CRADD: variants seen among roughly 807,000 people sequenced by gnomAD.
The protein encoded by CRADD is CARD and death domain containing adaptor protein.
CRADD carries 9 observed loss-of-function variants against 15.5 expected under a neutral mutation model. The ratio of observed to expected loss-of-function variants is 0.58; its 90% confidence interval spans 0.35 to 1.01. CRADD has a LOEUF of 1.01. CRADD is among the 50% of genes least tolerant of loss of function. The pLI is 0.02. For missense variants in CRADD, 227 were observed against 250.3 expected (o/e 0.91, Z 0.63); for synonymous variants, 118 against 107.6 (o/e 1.10, Z -0.60).
At chr12:93,741,870 G>T (rs1464806181) in intron 2 of CRADD, among the ~76,000 whole-genome samples, 1 of 152,142 alleles carries the variant, frequency 6.6e-6, no homozygotes, top group Non-Finnish European at 1.5e-5. Context: ...GCTGGCCTGT[G>T]CTCTTTCTAG....
chr12:93,804,200 G>C lies in CRADD; in HGVS notation c.299-45770G>C, dbSNP rs150849253. On this transcript the variant is annotated intron_variant, in intron 2 of 2. Coordinates refer to ENST00000332896, the MANE Select transcript of CRADD (RefSeq NM_003805.5). ...ATCTGTAGAGTAGGCACATCTGTAG[G>C]TTCTTAATGCCTGTCATCCTTATCT... Among the ~76,000 whole-genome samples the C allele has an allele frequency of 3.0e-4, 45 of 152,188 alleles. 1 individual carries two copies. In the East Asian group the frequency reaches 7.0e-3, roughly 24 times the overall value.
intron 2 of CRADD, among the ~76,000 whole-genome samples, chr12:93,751,733 G>A (rs948574786): frequency 6.6e-6 from 1 of 152,170 alleles, no homozygotes; most frequent in African/African-American, 2.4e-5. Flanking sequence ...GGGTGGTGGT[G>A]TGTGCCTGTA....
intron 2 of CRADD, among the ~76,000 whole-genome samples, chr12:93,756,367 G>A (rs1956890051): frequency 6.6e-6 from 1 of 152,184 alleles, no homozygotes; most frequent in Non-Finnish European, 1.5e-5. Context: ...CAGTGAATAT[G>A]TCCATTTTTA....
intron 2 of CRADD, among the ~76,000 whole-genome samples, chr12:93,783,019 G>A (rs1957229300): frequency 6.6e-6 from 1 of 152,038 alleles, no homozygotes; most frequent in South Asian, 2.1e-4. Flanking sequence ...AAACAGTCAA[G>A]TGTTCTATTT....
At chr12:93,773,707 G>A (rs1016237202) in intron 2 of CRADD, among the ~76,000 whole-genome samples, 1 of 151,948 alleles carries the variant, frequency 6.6e-6, no homozygotes, top group Non-Finnish European at 1.5e-5. Context: ...GGCAGGAGAC[G>A]GGAGAGAGTG....
chr12:93,698,349 CG>C (rs1181719005), intron 2 of CRADD, among the ~76,000 whole-genome samples: 1 of 152,116 alleles, frequency 6.6e-6, no homozygotes, highest in Non-Finnish European at 1.5e-5. Flanking sequence ...TAGAAGATTA[CG>C]AGTATGTGTG....
intron 2 of CRADD, among the ~76,000 whole-genome samples, chr12:93,768,083 T>C (rs929534392): frequency 2.6e-5 from 4 of 152,232 alleles, no homozygotes; most frequent in African/African-American, 9.6e-5. Context: ...TTCTTAGTAC[T>C]GTTTATGCCA....
Position 93,850,352 on chromosome 12 carries a change from T to G in CRADD, c.*81T>G, listed in dbSNP as rs931421166. On this transcript the variant is annotated 3_prime_UTR_variant, in exon 3 of 3. Coordinates refer to ENST00000332896, the MANE Select transcript of CRADD (RefSeq NM_003805.5). This position sits in a 1 kb window ranked among gnomAD's most constrained non-coding sequence, Gnocchi z 4.0. ...TGACTTTCACTCAGAGCAGGTGGTTTTTTGTGTAGGTTTGTTTTTTATTTT... is the reference window on the plus strand; with the variant it reads ...TGACTTTCACTCAGAGCAGGTGGTTGTTTGTGTAGGTTTGTTTTTTATTTT... 2.2e-5 allele frequency: 33 copies of G among 1,485,628 alleles called. No homozygotes were observed. The highest frequency in any genetic ancestry group is 1.7e-4 in the East Asian group (7 of 40,356). 92.0% of individuals were successfully genotyped at this position (1,485,628 alleles called of 1,614,324 possible).
chr12:93,846,703 T>C (rs953233714), intron 2 of CRADD, among the ~76,000 whole-genome samples: 5 of 151,420 alleles, frequency 3.3e-5, no homozygotes, highest in African/African-American at 1.2e-4. Context: ...ATAACAGCCA[T>C]GGAGGAGAGG....
chr12:93,738,195 T>A (rs1265285079), intron 2 of CRADD: 10 of 607,556 alleles, frequency 1.6e-5, no homozygotes, highest in Non-Finnish European at 2.6e-5. Flanking sequence ...GCTCATTTTT[T>A]GCAGGGTTAG....
chr12:93,756,935 C>T (rs1956897397), intron 2 of CRADD, among the ~76,000 whole-genome samples: 1 of 152,214 alleles, frequency 6.6e-6, no homozygotes, highest in South Asian at 2.1e-4. Context: ...CCGCCACTGA[C>T]AGAAATGATT....
chr12:93,819,064 G>T (rs1306472873), intron 2 of CRADD, among the ~76,000 whole-genome samples: 2 of 152,230 alleles, frequency 1.3e-5, no homozygotes, highest in African/African-American at 2.4e-5. Flanking sequence ...CTTAATTAAG[G>T]TTGTGACAGA....
chr12:93,699,647 T>A (rs17021493), intron 2 of CRADD, among the ~76,000 whole-genome samples: 4,262 of 152,284 alleles, frequency 0.028, 130 homozygotes, highest in East Asian at 0.086. Context: ...AACGTTCTGA[T>A]GAGTAATGCT....
At position 93,815,607 on chromosome 12, in the gene CRADD, G is replaced by A. The variant is rs368073773; in HGVS notation, c.299-34363G>A. On this transcript the variant is annotated intron_variant, in intron 2 of 2. Transcript: ENST00000332896. Reference sequence around the variant, plus strand: ...ATTAGTAGAGTACTATAAAATGTTTGTTATAAAAAGTGTGTTTTATTTGAT... The same window carrying A: ...ATTAGTAGAGTACTATAAAATGTTTATTATAAAAAGTGTGTTTTATTTGAT... The A allele has an allele frequency of 5.3e-5, 8 of 152,296 alleles. No homozygotes were observed. The South Asian group carries it at 1.0e-3, about 20-fold the overall frequency. 9.4% of individuals were successfully genotyped at this position (152,296 alleles called of 1,614,324 possible).
intron 2 of CRADD, among the ~76,000 whole-genome samples, chr12:93,703,359 CTTTTTTTTT>C (rs34708379): frequency 5.1e-5 from 7 of 136,518 alleles, no homozygotes; most frequent in African/African-American, 1.9e-4. Context: ...TTTTCTTTTT[CTTTTTTTTT>C]TTTTTTTGAG....
intron 2 of CRADD, among the ~76,000 whole-genome samples, chr12:93,856,911 G>A (rs895220800): frequency 6.6e-6 from 1 of 152,108 alleles, no homozygotes; most frequent in African/African-American, 2.4e-5. Flanking sequence ...TGTAATAACT[G>A]CCTGTTTACT....
intron 2 of CRADD, among the ~76,000 whole-genome samples, chr12:93,780,338 T>G (rs1957191340): frequency 1.3e-5 from 2 of 152,212 alleles, no homozygotes; most frequent in South Asian, 4.1e-4. Context: ...CAGGACTGAG[T>G]ACTGTAAAAG....
At chr12:93,767,174 C>T (rs1006437505) in intron 2 of CRADD, among the ~76,000 whole-genome samples, 2 of 152,214 alleles carry the variant, frequency 1.3e-5, no homozygotes, top group Non-Finnish European at 2.9e-5. Flanking sequence ...TTCCAAGCTC[C>T]AGCCATGTGC....
At chr12:93,862,021 G>A (rs1256551352) in intron 2 of CRADD, among the ~76,000 whole-genome samples, 1 of 152,106 alleles carries the variant, frequency 6.6e-6, no homozygotes, top group Non-Finnish European at 1.5e-5. Flanking sequence ...ATTAATGGGA[G>A]TTCTCCTGCA....
Sources: gnomAD v4.1 joint callset for allele counts (sites outside exome capture counted in the v4.1 genomes callset) on GRCh38, gnomAD v4.1.1 for gene constraint, Gnocchi (gnomAD v3.1) non-coding constraint, MANE v1.5 for transcripts, NCBI Gene and HGNC (gene_info 2026-07-23, HGNC 2026-07-21) for gene names.